RUNX1: variants seen among roughly 807,000 people sequenced by gnomAD.
RUNX1 encodes the protein RUNX family transcription factor 1.
In RUNX1, 19 loss-of-function variants were observed where a neutral mutation model predicts 42.8. That is an observed-to-expected ratio of 0.44 (90% confidence interval 0.31 to 0.65). The LOEUF is 0.65. Among genes scored for constraint, RUNX1 ranks in the 30% least tolerant of loss-of-function variants. The probability of loss-of-function intolerance (pLI) is 0.07; values close to 1 mark genes in which losing one functional copy is unlikely to be tolerated. For missense variants in RUNX1, 528 were observed against 672.0 expected, an observed-to-expected ratio of 0.79 and a Z score of 2.37; for synonymous variants, 271 against 289.4, an observed-to-expected ratio of 0.94 and a Z score of 0.64.
chr21:35,046,021 T>C (rs1475230719), intron 2 of RUNX1, among the ~76,000 whole-genome samples: 1 of 152,190 alleles, frequency 6.6e-6, no homozygotes. Context: ...CCGAGGCTTT[T>C]CCTCCCCACA....
chr21:34,938,847 T>A (rs1255502601), intron 2 of RUNX1, among the ~76,000 whole-genome samples: 1 of 152,180 alleles, frequency 6.6e-6, no homozygotes, highest in Non-Finnish European at 1.5e-5. Flanking sequence ...TAACTTTTCA[T>A]CAGATAGGCT....
In RUNX1 at chr21:35,048,934, C is replaced by T. The variant is rs1339738903; in HGVS notation, c.-35G>A. ...CTGAAAATGCACCCTCTTCTGAAGG[C>T]GGGGGACTCAATGATTTCTTTTACC... On this transcript the variant is annotated 5_prime_UTR_variant, in exon 2 of 9. Transcript: ENST00000675419. The T allele has an allele frequency of 5.6e-6, 9 of 1,596,788 alleles. No homozygotes were observed. The highest frequency in any genetic ancestry group is 7.7e-6 in the Non-Finnish European group (9 of 1,164,736).
intron 4 of RUNX1, among the ~76,000 whole-genome samples, chr21:34,883,107 T>C (rs1438921298): frequency 3.3e-5 from 5 of 152,232 alleles, no homozygotes; most frequent in Non-Finnish European, 7.3e-5. Context: ...CTATCCTCAT[T>C]GGTAATTTGG....
At chr21:34,826,400 C>A (rs568235625) in intron 7 of RUNX1, among the ~76,000 whole-genome samples, 36 of 151,544 alleles carry the variant, frequency 2.4e-4, no homozygotes, top group African/African-American at 8.5e-4. Context: ...CCTCCAGAAC[C>A]ATATGAAATA....
chr21:34,930,125 TTAA>T (rs1279412369), intron 2 of RUNX1, among the ~76,000 whole-genome samples: 52 of 147,184 alleles, frequency 3.5e-4, no homozygotes, highest in African/African-American at 1.2e-3. Flanking sequence ...TGAATTTAAA[TTAA>T]TGTCATTTAA....
chr21:34,817,555 C>T (rs974633372), intron 7 of RUNX1, among the ~76,000 whole-genome samples: 2 of 152,232 alleles, frequency 1.3e-5, no homozygotes, highest in South Asian at 2.1e-4. Context: ...AAATGCCTCC[C>T]GGCTCAGGTA....
intron 5 of RUNX1, among the ~76,000 whole-genome samples, chr21:34,860,402 T>C (rs1490473027): frequency 6.6e-6 from 1 of 152,226 alleles, no homozygotes; most frequent in Non-Finnish European, 1.5e-5. Context: ...TCAGTATCCT[T>C]ACCAGGAAGA....
intron 2 of RUNX1, among the ~76,000 whole-genome samples, chr21:34,974,544 T>C (rs1007551061): frequency 5.9e-5 from 9 of 152,194 alleles, no homozygotes; most frequent in Admixed American, 3.3e-4. Flanking sequence ...TTTGGTTCTG[T>C]TTCCCAAACC....
At chr21:34,965,378 T>C (rs1439533695) in intron 2 of RUNX1, among the ~76,000 whole-genome samples, 1 of 152,202 alleles carries the variant, frequency 6.6e-6, no homozygotes, top group Non-Finnish European at 1.5e-5. Context: ...GCAATCCTGA[T>C]GATCTCGCAG....
At chr21:34,884,058 T>TAA (rs910995131) in intron 4 of RUNX1, among the ~76,000 whole-genome samples, 16 of 152,210 alleles carry the variant, frequency 1.1e-4, no homozygotes, top group African/African-American at 3.4e-4. Flanking sequence ...GAACAAGCTA[T>TAA]AACACCATGG....
intron 5 of RUNX1, among the ~76,000 whole-genome samples, chr21:34,871,256 G>A (rs564142186): frequency 6.6e-6 from 1 of 152,276 alleles, no homozygotes; most frequent in African/African-American, 2.4e-5. Context: ...CGTGAGCTCT[G>A]TGCAGTCCCT....
Position 34,899,612 on chromosome 21 carries a change from C to A in RUNX1, c.59-6649G>T, listed in dbSNP as rs2058161642. 2.0e-5 allele frequency among the ~76,000 whole-genome samples: 3 copies of A among 152,154 alleles called. No homozygotes were observed. In the South Asian group the frequency reaches 6.2e-4, roughly 32 times the overall value. On this transcript the variant is annotated intron_variant, in intron 2 of 8. Coordinates refer to ENST00000675419, the MANE Select transcript of RUNX1 (RefSeq NM_001754.5). ...AGTCACCAGTACATCTTCTATCAGG[C>A]CTCACAAGGAGCTGCTTTACATACA...
At chr21:35,045,168 T>C (rs1435647678) in intron 2 of RUNX1, among the ~76,000 whole-genome samples, 1 of 152,148 alleles carries the variant, frequency 6.6e-6, no homozygotes, top group East Asian at 1.9e-4. Flanking sequence ...GGCAAAGGCA[T>C]GATTGTGAGT....
In RUNX1 at chr21:34,820,937, G is replaced by A. The variant is rs140792607; in HGVS notation, c.805+13473C>T. ...TGGATGTTAGGTCTGCCTCTAGTTC[G>A]GAAAATCACTGAAACTCCCTGGGCC... On this transcript the variant is annotated intron_variant, in intron 7 of 8. Coordinates refer to ENST00000675419, the MANE Select transcript of RUNX1 (RefSeq NM_001754.5). 2.1e-3 allele frequency among the ~76,000 whole-genome samples: 323 copies of A among 152,256 alleles called. 4 individuals carry two copies. Among genetic ancestry groups the A allele is most frequent in the Admixed American group, 1.6e-3 (24 of 15,296 alleles).
intron 2 of RUNX1, among the ~76,000 whole-genome samples, chr21:35,040,138 A>G (rs1165005831): frequency 6.6e-6 from 1 of 152,164 alleles, no homozygotes; most frequent in Non-Finnish European, 1.5e-5. Context: ...GGTGAATGTC[A>G]AGTTCAGCTG....
At chr21:34,961,712 T>C (rs561846961) in intron 2 of RUNX1, among the ~76,000 whole-genome samples, 1 of 152,318 alleles carries the variant, frequency 6.6e-6, no homozygotes, top group East Asian at 1.9e-4. Flanking sequence ...ATTTTAGTCA[T>C]GACACACAGA....
At chr21:34,992,179 A>G (rs562251992) in intron 2 of RUNX1, among the ~76,000 whole-genome samples, 133 of 152,318 alleles carry the variant, frequency 8.7e-4, no homozygotes, top group African/African-American at 3.1e-3. Context: ...GGGCCTGGAC[A>G]TTTCTGCCCC....
chr21:34,847,719 T>C (rs1406064479), intron 6 of RUNX1, among the ~76,000 whole-genome samples: 1 of 152,158 alleles, frequency 6.6e-6, no homozygotes, highest in East Asian at 1.9e-4. Flanking sequence ...TGCATTTTGA[T>C]AAAACCTTTA....
intron 6 of RUNX1, among the ~76,000 whole-genome samples, chr21:34,835,459 A>G (rs551585005): frequency 6.6e-6 from 1 of 152,072 alleles, no homozygotes; most frequent in South Asian, 2.1e-4. Context: ...CAGTGTCTAT[A>G]TAGATAGCAA....
Sources: allele counts gnomAD v4.1 joint callset (sites outside exome capture counted in the v4.1 genomes callset), GRCh38; gene constraint gnomAD v4.1.1; transcripts MANE v1.5; gene names NCBI Gene and HGNC (gene_info 2026-07-23, HGNC 2026-07-21).